EP400: variants seen among roughly 807,000 people sequenced by gnomAD.
The protein encoded by EP400 is E1A-binding protein p400.
Under a neutral mutation model 354.1 loss-of-function variants are expected in EP400, and 105 were observed. The ratio of observed to expected loss-of-function variants is 0.30; its 90% CI spans 0.25 to 0.35. The LOEUF (loss-of-function observed/expected upper bound fraction) is 0.35. Among genes scored for constraint, EP400 ranks in the 10% least tolerant of loss-of-function variants. The pLI, the probability that EP400 is intolerant of heterozygous loss-of-function variation, is 1.00. For missense variants in EP400, 3,280 were observed against 4,121.0 expected (o/e 0.80, Z 5.59); for synonymous variants, 1,646 against 1,716.9 (o/e 0.96, Z 1.02).
At chr12:132,066,998 T>C (rs1895913431) in intron 49 of EP400, 29 bp downstream of exon 49, 2 of 1,541,200 alleles carry the variant, frequency 1.3e-6, no homozygotes, top group Non-Finnish European at 1.7e-6. Context: ...CCTCCCGTCC[T>C]GGGCTTGAGC....
intron 47 of EP400, among the ~76,000 whole-genome samples, chr12:132,064,373 G>C (rs1365200895): frequency 6.6e-6 from 1 of 152,190 alleles, no homozygotes; most frequent in Non-Finnish European, 1.5e-5. Context: ...AAATAAGTTT[G>C]GTTGGTGCTA....
At chr12:131,991,639 G>A (rs546905484) in intron 10 of EP400, among the ~76,000 whole-genome samples, 183 bp downstream of exon 10, 2 of 149,098 alleles carry the variant, frequency 1.3e-5, no homozygotes, top group Admixed American at 1.3e-4. Flanking sequence ...GGAGTGAAGT[G>A]GCACGATCTC....
intron 45 of EP400, among the ~76,000 whole-genome samples, chr12:132,057,377 G>C (rs1315243534): frequency 6.6e-6 from 1 of 152,202 alleles, no homozygotes; most frequent in Non-Finnish European, 1.5e-5. Context: ...AGGACTCTCA[G>C]ATGCATTTTG....
rs140769008 is a variant in EP400 at position 131,989,084 on chromosome 12, G to A, written c.2410-880G>A. 4.6e-4 allele frequency among the ~76,000 whole-genome samples: 70 copies of A among 152,360 alleles called. 1 individual carries two copies. The highest frequency in any genetic ancestry group is 1.5e-3 in the African/African-American group (61 of 41,580). Reference sequence around the variant, plus strand: ...GGCTGGATAGGGCAGGAGGCCAGACGTGTAGATGCCAGGCTGGACATGTGG... The same window carrying A: ...GGCTGGATAGGGCAGGAGGCCAGACATGTAGATGCCAGGCTGGACATGTGG... On this transcript the variant is annotated intron_variant, in intron 7 of 52. Coordinates refer to ENST00000389561, the MANE Select transcript of EP400 (RefSeq NM_015409.5).
intron 2 of EP400, among the ~76,000 whole-genome samples, chr12:131,972,455 G>A (rs1892323491): frequency 2.0e-5 from 3 of 151,964 alleles, no homozygotes; most frequent in Non-Finnish European, 4.4e-5. Context: ...ACCTGGCCGA[G>A]TTTTATTACT....
intron 2 of EP400, among the ~76,000 whole-genome samples, chr12:131,978,940 G>T (rs979755808): frequency 6.6e-6 from 1 of 152,082 alleles, no homozygotes; most frequent in Admixed American, 6.5e-5. Flanking sequence ...AAGTTGGCTG[G>T]GTGCGGTGGC....
In EP400 at chr12:132,064,731, G is replaced by C. The variant is rs761716504; in HGVS notation, c.8398G>C (p.Ala2800Pro). 1.2e-6 allele frequency: 2 copies of C among 1,613,538 alleles called. No homozygotes were observed. The highest frequency in any genetic ancestry group is 1.7e-6 in the Non-Finnish European group (2 of 1,179,906). ...QMPPQPPPPQ[A>P]QSAPPQPTAQ... ...GCCCCCGCAGCCCCCACCGCCACAGGCCCAGTCTGCGCCCCCGCAGCCAAC... is the reference window on the plus strand; with the variant it reads ...GCCCCCGCAGCCCCCACCGCCACAGCCCCAGTCTGCGCCCCCGCAGCCAAC... Residue 2800 changes from alanine to proline, a missense_variant, in exon 48 of 53, where the codon GCC (alanine) becomes CCC (proline). Coordinates refer to ENST00000389561, the MANE Select transcript of EP400 (RefSeq NM_015409.5).
At chr12:132,032,634 T>C (rs559517123) in intron 30 of EP400, among the ~76,000 whole-genome samples, 1 of 151,604 alleles carries the variant, frequency 6.6e-6, no homozygotes, top group East Asian at 1.9e-4. Flanking sequence ...TTTTTTTTTT[T>C]TTTTTCTTTT....
rs972516071 is a variant in EP400, at chr12:132,027,090, G to C, written c.5015-347G>C. 2.0e-5 allele frequency among the ~76,000 whole-genome samples: 3 copies of C among 152,214 alleles called. No homozygotes were observed. The highest frequency in any genetic ancestry group is 7.2e-5 in the African/African-American group (3 of 41,460). On this transcript the variant is annotated intron_variant, in intron 25 of 52. Transcript: ENST00000389561. The surrounding 1 kb of genome is among the most constrained non-coding windows in gnomAD (Gnocchi z 4.9). ...GTCACCTGGGCTAGGAGGTGGCCAT[G>C]TGCTGATGGCGATGGGGTACCCAGG...
At chr12:132,059,860 CAA>C (rs1203429291) in intron 45 of EP400, among the ~76,000 whole-genome samples, 7 of 139,792 alleles carry the variant, frequency 5.0e-5, no homozygotes, top group Admixed American at 2.1e-4. Flanking sequence ...ACAGAAAATA[CAA>C]AAAAAAAAAA....
At chr12:132,064,126 C>T (rs1383831622) in intron 47 of EP400, among the ~76,000 whole-genome samples, 1 of 151,908 alleles carries the variant, frequency 6.6e-6, no homozygotes, top group Non-Finnish European at 1.5e-5. Flanking sequence ...TGTCACCTGC[C>T]CCGGTTCAAC....
Position 132,031,955 on chromosome 12 carries a change from A to G in EP400, c.5757A>G (p.Glu1919=). The G allele has an allele frequency of 6.2e-7, 1 of 1,605,748 alleles. No homozygotes were observed. The highest frequency in any genetic ancestry group is 2.2e-5 in the East Asian group (1 of 44,652). Reference sequence around the variant, plus strand: ...TCCTGTGTTTTGTTTCATCTTAGGAACTGATGAGGAGTTTCAACAGAGACA... The same window carrying G: ...TCCTGTGTTTTGTTTCATCTTAGGAGCTGATGAGGAGTTTCAACAGAGACA... ...DENASSEQRQ[E]LMRSFNRDRR... is the part of the protein sequence containing the mutation. The change falls in exon 30 of 53, where the codon GAA becomes GAG. Residue 1919 remains glutamate (E), a splice_region_variant and synonymous_variant. Coordinates refer to ENST00000389561, the MANE Select transcript of EP400 (RefSeq NM_015409.5).
At chr12:132,071,865 T>C (rs549094171) in intron 51 of EP400, among the ~76,000 whole-genome samples, 62 of 152,334 alleles carry the variant, frequency 4.1e-4, no homozygotes, top group African/African-American at 1.3e-3. Flanking sequence ...ATAAGTACTT[T>C]GTTCAGGTGA....
chr12:131,989,952 T>C lies in EP400; in HGVS notation c.2410-12T>C. On this transcript the variant is annotated splice_polypyrimidine_tract_variant and intron_variant, in intron 7 of 52. Transcript: ENST00000389561. ...GAGTACAACATACAATTCTTGCACT[T>C]TTATTCACCAGCTCGTTAGAACTGT... is the stretch of plus-strand genomic sequence containing the variant. The C allele has an allele frequency of 1.2e-6, 2 of 1,613,068 alleles. No individual in the cohort carries two copies. The highest frequency in any genetic ancestry group is 1.7e-6 in the Non-Finnish European group (2 of 1,179,768).
rs564505403 is a variant in EP400, at chr12:132,038,010, G to A, written c.6121G>A (p.Val2041Ile). ...YSPMDDAGFP[V>I]KAEEFVVLSQ... ...TCCCATGGATGATGCTGGCTTCCCG[G>A]TCAAAGCTGAGGAGTTTGTGGTGCT... The change falls in exon 32 of 53, where the codon GTC becomes ATC. Residue 2041 changes from valine to isoleucine, a missense_variant. Val to Ile is a conservative substitution (Grantham distance 29). This residue lies in a region of EP400 where 60 missense variants were observed against 109.9 expected (regional missense o/e 0.55). Coordinates refer to ENST00000389561, the MANE Select transcript of EP400 (RefSeq NM_015409.5). This position sits in a 1 kb window ranked among gnomAD's most constrained non-coding sequence, Gnocchi z 4.2. 1 of 1,614,208 alleles carries A rather than the reference G, an allele frequency of 6.2e-7. No homozygotes were observed. The highest frequency in any genetic ancestry group is 1.1e-5 in the South Asian group (1 of 91,086).
At chr12:131,950,425 C>T (rs1177126625) in intron 1 of EP400, among the ~76,000 whole-genome samples, 1 of 152,168 alleles carries the variant, frequency 6.6e-6, no homozygotes, top group Non-Finnish European at 1.5e-5. Flanking sequence ...GCTCCTGGCG[C>T]TTGCGTGGGC....
intron 5 of EP400, among the ~76,000 whole-genome samples, chr12:131,983,512 C>T (rs768228019): frequency 3.9e-5 from 6 of 152,210 alleles, no homozygotes; most frequent in Admixed American, 6.5e-5. Flanking sequence ...CGGTGCCAGC[C>T]GTCAACAGGG....
At chr12:131,991,891 A>C (rs1893048537) in intron 10 of EP400, among the ~76,000 whole-genome samples, 1 of 151,870 alleles carries the variant, frequency 6.6e-6, no homozygotes, top group South Asian at 2.1e-4. Flanking sequence ...CCCGCCTATT[A>C]CTCCCTTTCA....
intron 1 of EP400, among the ~76,000 whole-genome samples, chr12:131,953,939 T>TC (rs780084863): frequency 8.6e-5 from 13 of 151,424 alleles, no homozygotes; most frequent in Non-Finnish European, 1.5e-4. Context: ...GTGGTGAAAC[T>TC]CCGTCTGTAC....
Sources: gnomAD v4.1 joint callset for allele counts (sites outside exome capture counted in the v4.1 genomes callset) on GRCh38, gnomAD v4.1.1 for gene constraint, gnomAD v4.1.1 regional missense constraint, Gnocchi (gnomAD v3.1) non-coding constraint, MANE v1.5 for transcripts, NCBI Gene and HGNC (gene_info 2026-07-23, HGNC 2026-07-21) for gene names.